Variants in PDE8A observed in about 807,000 individuals in gnomAD.
PDE8A encodes the protein phosphodiesterase 8A.
PDE8A carries 59 observed loss-of-function variants against 105.0 expected under a neutral mutation model. The ratio of observed to expected loss-of-function variants is 0.56; its 90% CI spans 0.46 to 0.70. The LOEUF (loss-of-function observed/expected upper bound fraction) is 0.70. Ranked by LOEUF, PDE8A falls within the 30% of genes least tolerant of loss-of-function variation. The probability of loss-of-function intolerance (pLI) is 0.00; values close to 1 mark genes in which losing one functional copy is unlikely to be tolerated. For missense variants in PDE8A, 1,014 were observed against 1,045.9 expected (o/e 0.97, Z 0.42); for synonymous variants, 355 against 371.9 (o/e 0.95, Z 0.52).
intron 1 of PDE8A, among the ~76,000 whole-genome samples, chr15:85,023,789 G>A (rs897623907): frequency 1.2e-4 from 18 of 152,092 alleles, no homozygotes; most frequent in Admixed American, 7.2e-4. Flanking sequence ...CAGGTTGATG[G>A]GAGGACATTG....
intron 1 of PDE8A, among the ~76,000 whole-genome samples, chr15:85,028,888 G>T (rs1357073799): frequency 6.6e-6 from 1 of 151,844 alleles, no homozygotes; most frequent in East Asian, 1.9e-4. Context: ...ATCTTCTTTT[G>T]CATGCAGCAT....
At position 85,021,038 on chromosome 15, in the gene PDE8A, G is replaced by A. The variant is rs1020258178; in HGVS notation, c.186+38690G>A. Among the ~76,000 whole-genome samples the A allele has an allele frequency of 4.6e-5, 7 of 152,172 alleles. No homozygotes were observed. In the South Asian group the frequency reaches 8.3e-4, roughly 18 times the overall value. ...CTAATCACTAATGCAATGGTATTAA[G>A]AGGTGGGGCCTTTGGGAGATGATTA... On this transcript the variant is annotated intron_variant, in intron 1 of 21. Coordinates refer to ENST00000394553, the MANE Select transcript of PDE8A (RefSeq NM_002605.3).
intron 6 of PDE8A, among the ~76,000 whole-genome samples, chr15:85,087,031 C>A (rs2081564940): frequency 7.5e-6 from 1 of 133,754 alleles, no homozygotes. Flanking sequence ...CCATGCCCAG[C>A]ATGTTTTTTG....
intron 1 of PDE8A, among the ~76,000 whole-genome samples, chr15:84,986,771 G>A (rs1488533383): frequency 6.6e-6 from 1 of 151,750 alleles, no homozygotes; most frequent in Non-Finnish European, 1.5e-5. Flanking sequence ...ACCATGCATG[G>A]CCAGTTTTTT....
intron 16 of PDE8A, 148 bp downstream of exon 16, chr15:85,116,267 T>G: frequency 1.4e-6 from 1 of 691,188 alleles, no homozygotes; most frequent in Non-Finnish European, 2.4e-6. Flanking sequence ...CAGGTGGCTC[T>G]GAGTCACCAG....
chr15:85,090,843 C>T (rs1219467532), intron 7 of PDE8A: 3 of 642,810 alleles, frequency 4.7e-6, no homozygotes, highest in Admixed American at 2.1e-5. Context: ...AGCCGGGTAT[C>T]ACCCAAGCAG....
intron 1 of PDE8A, among the ~76,000 whole-genome samples, chr15:85,025,592 C>A (rs2080503303): frequency 6.6e-6 from 1 of 152,206 alleles, no homozygotes; most frequent in Admixed American, 6.5e-5. Context: ...CATCCCCCCT[C>A]TTTTTTAGAC....
At chr15:85,075,586 A>G (rs1375542654) in intron 3 of PDE8A, among the ~76,000 whole-genome samples, 1 of 152,256 alleles carries the variant, frequency 6.6e-6, no homozygotes, top group African/African-American at 2.4e-5. Context: ...AATGCAGGTT[A>G]ACAAAGATCA....
intron 1 of PDE8A, among the ~76,000 whole-genome samples, chr15:85,051,630 C>G (rs1039779092): frequency 1.3e-5 from 2 of 152,150 alleles, no homozygotes; most frequent in African/African-American, 4.8e-5. Context: ...CTCCCTCCGC[C>G]TGCCACAGGC....
At chr15:85,030,289 GT>G (rs2080592433) in intron 1 of PDE8A, among the ~76,000 whole-genome samples, 1 of 151,852 alleles carries the variant, frequency 6.6e-6, no homozygotes, top group South Asian at 2.1e-4. Context: ...GGAACCTGAG[GT>G]TGTGTCTTGC....
At chr15:85,034,835 G>A (rs1236594670) in intron 1 of PDE8A, among the ~76,000 whole-genome samples, 1 of 152,170 alleles carries the variant, frequency 6.6e-6, no homozygotes, top group Non-Finnish European at 1.5e-5. Context: ...ACAGGCATGA[G>A]CCATGAAACC....
intron 1 of PDE8A, among the ~76,000 whole-genome samples, chr15:84,999,935 T>C (rs2080041435): frequency 6.6e-6 from 1 of 152,212 alleles, no homozygotes; most frequent in Admixed American, 6.5e-5. Flanking sequence ...TGTGTGTGTT[T>C]CCACTGCCCC....
At chr15:85,117,940 G>C (rs1596536439) in intron 17 of PDE8A, 101 bp downstream of exon 17, 1 of 959,964 alleles carries the variant, frequency 1.0e-6, no homozygotes, top group Non-Finnish European at 1.7e-6. Context: ...GCTCACGTGT[G>C]CAGCCTGGCA....
rs116857713 is a variant in PDE8A at position 85,073,888 on chromosome 15, C to T, written c.435-1974C>T. On this transcript the variant is annotated intron_variant, in intron 3 of 21. Transcript: ENST00000394553. ...CCCCAGGAAGCTGAGCCTGCCTGCT[C>T]TCCCCAGTCAGGGGGACCAGGGTTG... Among the ~76,000 whole-genome samples, 114 of 152,336 alleles carry T rather than the reference C, an allele frequency of 7.5e-4. 2 individuals are homozygous for T. In the East Asian group the frequency reaches 0.02, roughly 27 times the overall value.
intron 1 of PDE8A, among the ~76,000 whole-genome samples, chr15:85,052,028 T>A (rs1269372571): frequency 6.7e-6 from 1 of 150,012 alleles, no homozygotes; most frequent in Non-Finnish European, 1.5e-5. Flanking sequence ...TGTGTCCAAG[T>A]GTTCTCATTG....
At chr15:85,077,241 G>A (rs978204062) in intron 5 of PDE8A, among the ~76,000 whole-genome samples, 6 of 152,092 alleles carry the variant, frequency 3.9e-5, no homozygotes, top group African/African-American at 1.2e-4. Context: ...CTAGTTCAAG[G>A]ATTCTGGAAA....
At chr15:85,000,097 A>C (rs948615634) in intron 1 of PDE8A, among the ~76,000 whole-genome samples, 5 of 152,094 alleles carry the variant, frequency 3.3e-5, no homozygotes, top group African/African-American at 1.2e-4. Flanking sequence ...AGCTGGAGCA[A>C]ATTGAATAAC....
At chr15:85,101,399 T>C (rs2081859835) in intron 11 of PDE8A, among the ~76,000 whole-genome samples, 1 of 152,124 alleles carries the variant, frequency 6.6e-6, no homozygotes, top group African/African-American at 2.4e-5. Context: ...GGGAAAGCAT[T>C]CCAGCAATAA....
At chr15:85,093,380 A>G (rs1352513269) in intron 8 of PDE8A, among the ~76,000 whole-genome samples, 1 of 152,154 alleles carries the variant, frequency 6.6e-6, no homozygotes, top group Non-Finnish European at 1.5e-5. Context: ...CCATAATTCC[A>G]TCTCCGGGGA....
Sources: gnomAD v4.1 joint callset for allele counts (sites outside exome capture counted in the v4.1 genomes callset) on GRCh38, gnomAD v4.1.1 for gene constraint, MANE v1.5 for transcripts, NCBI Gene and HGNC (gene_info 2026-07-23, HGNC 2026-07-21) for gene names.